The following LRRIQ3 variants were observed in gnomAD, a reference collection of about 807,000 sequenced individuals.
LRRIQ3 encodes leucine-rich repeat and IQ domain-containing protein 3.
LRRIQ3 carries 75 observed loss-of-function variants against 59.3 expected under a neutral mutation model. That is an observed-to-expected ratio of 1.26 (90% CI 1.05 to 1.53). The LOEUF is 1.53. Ranked by LOEUF, LRRIQ3 falls within the 40% of genes most tolerant of loss-of-function variation. LRRIQ3 has a pLI of 0.00. For missense variants in LRRIQ3, 831 were observed against 710.0 expected (o/e 1.17, Z -1.94); for synonymous variants, 250 against 231.3 (o/e 1.08, Z -0.73).
chr1:74,164,391 A>G (rs909597501), intron 3 of LRRIQ3, among the ~76,000 whole-genome samples: 2 of 151,564 alleles, frequency 1.3e-5, no homozygotes, highest in African/African-American at 4.8e-5. Flanking sequence ...CACAGAGGAA[A>G]CACCATGTAA....
intron 3 of LRRIQ3, among the ~76,000 whole-genome samples, chr1:74,160,336 C>T (rs1648587760): frequency 6.6e-6 from 1 of 152,042 alleles, no homozygotes; most frequent in Non-Finnish European, 1.5e-5. Context: ...CATGCCAACA[C>T]CTCTATTTGC....
intron 6 of LRRIQ3, among the ~76,000 whole-genome samples, chr1:74,063,074 C>CAAAAA (rs1553163308): frequency 1.3e-5 from 2 of 148,508 alleles, no homozygotes; most frequent in East Asian, 2.0e-4. Context: ...CAAAACAAAA[C>CAAAAA]AAAAAAAATC....
intron 5 of LRRIQ3, among the ~76,000 whole-genome samples, chr1:74,085,482 T>G (rs1646318307): frequency 1.3e-5 from 2 of 151,856 alleles, no homozygotes; most frequent in Admixed American, 1.3e-4. Flanking sequence ...GAGAGACTAA[T>G]TTCCCCTAAT....
chr1:74,029,708 C>A (rs1188823291), intron 7 of LRRIQ3, among the ~76,000 whole-genome samples: 1 of 152,014 alleles, frequency 6.6e-6, no homozygotes, highest in Non-Finnish European at 1.5e-5. Flanking sequence ...TGATGCTGGT[C>A]TCATAAATTG....
chr1:74,038,086 G>A (rs1653927010), intron 7 of LRRIQ3, among the ~76,000 whole-genome samples: 1 of 152,194 alleles, frequency 6.6e-6, no homozygotes. Flanking sequence ...TGGGGCAGCA[G>A]CCATCTCTAT....
At chr1:74,042,870 T>C (rs1194807191) in intron 6 of LRRIQ3, among the ~76,000 whole-genome samples, 2 of 152,084 alleles carry the variant, frequency 1.3e-5, no homozygotes, top group Non-Finnish European at 2.9e-5. Context: ...TAAGAAACAA[T>C]GTGCACCTTC....
chr1:74,181,612 G>A (rs1028611848), intron 3 of LRRIQ3: 4 of 151,650 alleles, frequency 2.6e-5, no homozygotes, highest in Non-Finnish European at 4.4e-5. Context: ...TAGGGCCCAG[G>A]TTAAGATATC....
At chr1:74,170,423 T>A (rs1450971742) in intron 3 of LRRIQ3, among the ~76,000 whole-genome samples, 2 of 152,200 alleles carry the variant, frequency 1.3e-5, no homozygotes, top group Non-Finnish European at 2.9e-5. Flanking sequence ...GAAGAGAATA[T>A]CTTTTCTCTG....
intron 6 of LRRIQ3, among the ~76,000 whole-genome samples, chr1:74,056,320 G>T (rs1654535245): frequency 6.6e-6 from 1 of 151,970 alleles, no homozygotes; most frequent in Non-Finnish European, 1.5e-5. Flanking sequence ...AAAAGATAAG[G>T]ATGCCCACTC....
chr1:74,127,335 T>C (rs186276160), intron 4 of LRRIQ3, among the ~76,000 whole-genome samples: 5 of 152,140 alleles, frequency 3.3e-5, no homozygotes, highest in Admixed American at 3.3e-4. Flanking sequence ...GGTTAGTCTA[T>C]TTACATTCAA....
intron 5 of LRRIQ3, chr1:74,081,932 ACTCT>A (rs1646277359): frequency 6.6e-6 from 1 of 151,190 alleles, no homozygotes; most frequent in Admixed American, 6.6e-5. Flanking sequence ...AGTAAAAATT[ACTCT>A]CTCTGAGGAC....
rs551574612 is a variant in LRRIQ3 at position 74,081,748 on chromosome 1, C to T, written c.868-6958G>A. Among the ~76,000 whole-genome samples the T allele has an allele frequency of 3.3e-5, 5 of 151,354 alleles. No individual in the cohort carries two copies. In the South Asian group the frequency reaches 8.3e-4, roughly 25 times the overall value. On this transcript the variant is annotated intron_variant, in intron 5 of 7. Coordinates refer to ENST00000354431, the MANE Select transcript of LRRIQ3 (RefSeq NM_001105659.2). Reference sequence around the variant, plus strand: ...TTTTCTAGTACGTGGATTACATTATCTAGTAGCTAACATATTATTAGTAAT... The same window carrying T: ...TTTTCTAGTACGTGGATTACATTATTTAGTAGCTAACATATTATTAGTAAT...
intron 3 of LRRIQ3, among the ~76,000 whole-genome samples, chr1:74,176,178 C>G (rs1293232327): frequency 6.6e-6 from 1 of 152,056 alleles, no homozygotes; most frequent in Non-Finnish European, 1.5e-5. Context: ...TAGTTTTCCT[C>G]TATCTGAGTA....
chr1:74,097,719 C>A (rs1447861139), intron 5 of LRRIQ3, among the ~76,000 whole-genome samples: 1 of 152,158 alleles, frequency 6.6e-6, no homozygotes, highest in Non-Finnish European at 1.5e-5. Flanking sequence ...AGAAGAAACT[C>A]TACAAGCCAG....
At chr1:74,118,586 C>T (rs1314502245) in intron 4 of LRRIQ3, among the ~76,000 whole-genome samples, 3 of 152,076 alleles carry the variant, frequency 2.0e-5, no homozygotes, top group East Asian at 3.9e-4. Context: ...CCCACACACA[C>T]ATTTTATTTT....
chr1:74,053,272 C>T (rs528709257), intron 6 of LRRIQ3, among the ~76,000 whole-genome samples: 5 of 149,056 alleles, frequency 3.4e-5, no homozygotes, highest in Middle Eastern at 3.5e-3. Flanking sequence ...ATATAAAATG[C>T]AAAACTATAA....
chr1:74,153,196 TACA>T (rs1648097058), intron 4 of LRRIQ3, among the ~76,000 whole-genome samples: 1 of 152,150 alleles, frequency 6.6e-6, no homozygotes, highest in African/African-American at 2.4e-5. Context: ...TCAATCTAAT[TACA>T]ACATTTCATT....
intron 4 of LRRIQ3, among the ~76,000 whole-genome samples, chr1:74,114,749 A>T (rs61407724): frequency 0.53 from 78,912 of 149,900 alleles, 21,199 homozygotes; most frequent in East Asian, 0.82. Context: ...AAAAAAAAAA[A>T]ATGCACCAAG....
At chr1:74,177,124 C>T (rs2100712645) in intron 3 of LRRIQ3, among the ~76,000 whole-genome samples, 1 of 152,176 alleles carries the variant, frequency 6.6e-6, no homozygotes, top group East Asian at 1.9e-4. Context: ...TTTTTGTTTG[C>T]ACCCTTTGTC....
Sources: gnomAD v4.1 joint callset for allele counts (sites outside exome capture counted in the v4.1 genomes callset) on GRCh38, gnomAD v4.1.1 for gene constraint, MANE v1.5 for transcripts, NCBI Gene and HGNC (gene_info 2026-07-23, HGNC 2026-07-21) for gene names.